The following NTM variants were observed in gnomAD, a reference collection of about 807,000 sequenced individuals.
The protein encoded by NTM is neurotrimin.
NTM carries 13 observed loss-of-function variants against 42.1 expected under a neutral mutation model. The observed-to-expected ratio is 0.31, with a 90% CI of 0.20 to 0.49. NTM has a LOEUF of 0.49. Among genes scored for constraint, NTM ranks in the 20% least tolerant of loss-of-function variants. The pLI is 0.99. For missense variants in NTM, 373 were observed against 452.8 expected (o/e 0.82, Z 1.60); for synonymous variants, 187 against 179.2 (o/e 1.04, Z -0.35).
At chr11:131,577,013 CAT>C (rs1302436696) in intron 1 of NTM, among the ~76,000 whole-genome samples, 1 of 152,158 alleles carries the variant, frequency 6.6e-6, no homozygotes, top group Non-Finnish European at 1.5e-5. Context: ...AAGATAAAGT[CAT>C]GTGGTATACA....
rs532105083 is a variant in NTM, at chr11:131,711,537, C to G, written c.83-200027C>G. ...AACACTTTTACACTGTTGGTGGGAT[C>G]GTAAACTAATTCAACCATTGTGGAA... is the stretch of plus-strand genomic sequence containing the variant. On this transcript the variant is annotated intron_variant, in intron 1 of 8. Transcript: ENST00000683400. 9.2e-5 allele frequency among the ~76,000 whole-genome samples: 14 copies of G among 152,210 alleles called. No individual in the cohort carries two copies. In the South Asian group the frequency reaches 2.9e-3, roughly 32 times the overall value.
intron 2 of NTM, among the ~76,000 whole-genome samples, chr11:132,143,171 G>A (rs2069559624): frequency 6.6e-6 from 1 of 152,064 alleles, no homozygotes. Flanking sequence ...CTTTCCTAGT[G>A]CCTATTCACT....
intron 1 of NTM, among the ~76,000 whole-genome samples, chr11:131,427,606 A>G (rs892528090): frequency 2.0e-5 from 3 of 152,200 alleles, no homozygotes; most frequent in African/African-American, 7.2e-5. Context: ...TCGGTGTTCT[A>G]CCTGTACTTC....
At chr11:131,915,691 G>A (rs913042012) in intron 2 of NTM, among the ~76,000 whole-genome samples, 3 of 152,134 alleles carry the variant, frequency 2.0e-5, no homozygotes, top group East Asian at 1.9e-4. Flanking sequence ...ACAGTTCCAC[G>A]TGGCTGGGGA....
At chr11:131,531,531 T>C (rs2051278196) in intron 1 of NTM, among the ~76,000 whole-genome samples, 1 of 152,244 alleles carries the variant, frequency 6.6e-6, no homozygotes, top group African/African-American at 2.4e-5. Flanking sequence ...GGAAACACTT[T>C]CTTTTATCTT....
intron 1 of NTM, among the ~76,000 whole-genome samples, chr11:131,642,126 G>A (rs1432970761): frequency 6.6e-6 from 1 of 152,138 alleles, no homozygotes; most frequent in African/African-American, 2.4e-5. Context: ...TGTTTAGGAG[G>A]GCCATTTCCT....
At chr11:131,467,430 C>T (rs1951999716) in intron 1 of NTM, among the ~76,000 whole-genome samples, 2 of 152,214 alleles carry the variant, frequency 1.3e-5, no homozygotes, top group Non-Finnish European at 1.5e-5. Flanking sequence ...TGCCTCCAGA[C>T]ATTGGTTTTA....
At chr11:131,829,505 C>A (rs1442151369) in intron 1 of NTM, among the ~76,000 whole-genome samples, 1 of 152,078 alleles carries the variant, frequency 6.6e-6, no homozygotes, top group African/African-American at 2.4e-5. Flanking sequence ...CATATTGCTG[C>A]AAAGGACATA....
intron 1 of NTM, among the ~76,000 whole-genome samples, chr11:131,891,607 C>T (rs2051351201): frequency 6.6e-6 from 1 of 152,218 alleles, no homozygotes; most frequent in Admixed American, 6.5e-5. Context: ...AGGACTCTGC[C>T]CACTCCACCA....
chr11:132,102,831 C>G (rs1362496056), intron 2 of NTM, among the ~76,000 whole-genome samples: 1 of 152,254 alleles, frequency 6.6e-6, no homozygotes, highest in Non-Finnish European at 1.5e-5. Flanking sequence ...TGCTCCCAAT[C>G]TGCAAGCTGT....
intron 2 of NTM, among the ~76,000 whole-genome samples, chr11:132,113,174 C>G (rs940927995): frequency 1.3e-5 from 2 of 152,218 alleles, no homozygotes; most frequent in Non-Finnish European, 2.9e-5. Context: ...GGAGCAGGCT[C>G]TACTTGCGAG....
intron 1 of NTM, among the ~76,000 whole-genome samples, chr11:131,577,519 A>G (rs2058041791): frequency 6.6e-6 from 1 of 152,240 alleles, no homozygotes; most frequent in South Asian, 2.1e-4. Context: ...CTTCCTCTAA[A>G]GCAGTAGTTT....
At chr11:131,568,646 G>A (rs1050741698) in intron 1 of NTM, among the ~76,000 whole-genome samples, 3 of 152,112 alleles carry the variant, frequency 2.0e-5, no homozygotes, top group African/African-American at 7.2e-5. Flanking sequence ...ATCCAACATG[G>A]TGGGAAGAGA....
chr11:131,876,805 A>G (rs1286310767), intron 1 of NTM, among the ~76,000 whole-genome samples: 2 of 152,234 alleles, frequency 1.3e-5, no homozygotes, highest in Non-Finnish European at 2.9e-5. Flanking sequence ...TAACACCTGT[A>G]AACTGTAAAG....
intron 2 of NTM, among the ~76,000 whole-genome samples, chr11:132,048,264 C>A (rs2078298213): frequency 6.6e-6 from 1 of 152,186 alleles, no homozygotes; most frequent in African/African-American, 2.4e-5. Context: ...CCGCCACCTC[C>A]TCCCTCCCTT....
chr11:131,508,806 A>G (rs1359949574), intron 1 of NTM, among the ~76,000 whole-genome samples: 24 of 148,280 alleles, frequency 1.6e-4, no homozygotes, highest in African/African-American at 5.0e-4. Flanking sequence ...AACACCGCAT[A>G]TTCTCACTCA....
chr11:131,879,363 G>A lies in NTM; in HGVS notation c.83-32201G>A, dbSNP rs115434461. Among the ~76,000 whole-genome samples, 363 of 152,206 alleles carry A rather than the reference G, an allele frequency of 2.4e-3. 6 individuals are homozygous for A. Among genetic ancestry groups the A allele is most frequent in the African/African-American group, 8.1e-3 (335 of 41,530 alleles). ...TAAACCTGATTCCTGGGTCAAGTTAGAGACTGCCAGATTTTTCCACTGTAT... is the reference window on the plus strand; with the variant it reads ...TAAACCTGATTCCTGGGTCAAGTTAAAGACTGCCAGATTTTTCCACTGTAT... On this transcript the variant is annotated intron_variant, in intron 1 of 8. Transcript: ENST00000683400.
Position 132,335,117 on chromosome 11 carries a change from C to T in NTM, c.1039C>T (p.Leu347=), listed in dbSNP as rs2095862222. 6.2e-7 allele frequency: 1 copy of T among 1,612,772 alleles called. No homozygotes were observed. Among genetic ancestry groups the T allele is most frequent in the Non-Finnish European group, 8.5e-7 (1 of 1,180,010 alleles). ...RAGCVWLLPL[L]VLHLLLKF is the part of the protein sequence containing the mutation. ...AGGCTGCGTCTGGCTGCTGCCTCTT[C>T]TGGTCTTGCACCTGCTTCTCAAATT... is the stretch of plus-strand genomic sequence containing the variant. The change falls in exon 9 of 9, where the codon CTG becomes TTG. Residue 347 remains leucine (L), a synonymous_variant. Coordinates refer to ENST00000683400, the MANE Select transcript of NTM (RefSeq NM_001352005.2).
At chr11:131,990,109 A>C (rs891289841) in intron 2 of NTM, among the ~76,000 whole-genome samples, 1 of 152,170 alleles carries the variant, frequency 6.6e-6, no homozygotes, top group African/African-American at 2.4e-5. Context: ...CATTTGGCAG[A>C]ATAAATTTTA....
Sources: allele counts gnomAD v4.1 joint callset (sites outside exome capture counted in the v4.1 genomes callset), GRCh38; gene constraint gnomAD v4.1.1; transcripts MANE v1.5; gene names NCBI Gene and HGNC (gene_info 2026-07-23, HGNC 2026-07-21).